Variants in PRDM5 observed in about 807,000 individuals in gnomAD.
The protein encoded by PRDM5 is PR/SET domain 5.
In PRDM5, 56 loss-of-function variants were observed where a neutral mutation model predicts 81.2. The ratio of observed to expected loss-of-function variants is 0.69; its 90% CI spans 0.56 to 0.86. The LOEUF is 0.86. Ranked by LOEUF, PRDM5 falls within the 40% of genes least tolerant of loss-of-function variation. The pLI is 0.00. For missense variants in PRDM5, 697 were observed against 770.1 expected, an observed-to-expected ratio of 0.91 and a Z score of 1.12; for synonymous variants, 267 against 256.4, an observed-to-expected ratio of 1.04 and a Z score of -0.39.
intron 6 of PRDM5, 65 bp from the exon 7 acceptor site, chr4:120,816,639 A>G (rs1173798201): frequency 6.2e-7 from 1 of 1,604,824 alleles, no homozygotes; most frequent in Admixed American, 1.7e-5. Context: ...AAACTCAAAC[A>G]TCAGCAAGAT....
At chr4:120,821,469 T>A in intron 3 of PRDM5, 124 bp from the exon 4 acceptor site, 1 of 929,622 alleles carries the variant, frequency 1.1e-6, no homozygotes, top group Non-Finnish European at 1.6e-6. Flanking sequence ...TTTTTATTTC[T>A]AGTTGATCTG....
intron 2 of PRDM5, among the ~76,000 whole-genome samples, chr4:120,887,121 T>G (rs912414740): frequency 6.6e-6 from 1 of 152,090 alleles, no homozygotes. Flanking sequence ...AATTTTTGTA[T>G]TTTTAGTGGA....
At position 120,853,418 on chromosome 4, in the gene PRDM5, T is replaced by C. The variant is rs1420670623; in HGVS notation, c.300A>G (p.Gln100=). Residue 100 remains glutamine (Q), a splice_region_variant and synonymous_variant, in exon 3 of 16, where the codon CAA becomes CAG. Coordinates refer to ENST00000264808, the MANE Select transcript of PRDM5 (RefSeq NM_018699.4). ...SQEQKNLAAI[Q]EGENIFYLAV... The stretch of plus-strand genomic sequence containing the variant: ...ACAAATGAGAAGCAAATAAGCTCAC[T>C]TGAATGGCAGCCAAGTTCTTCTGCT... The C allele has an allele frequency of 6.8e-6, 11 of 1,613,612 alleles. No homozygotes were observed. The East Asian group carries it at 2.2e-4, about 33-fold the overall frequency.
chr4:120,804,916 GT>G (rs1330117398), intron 8 of PRDM5, among the ~76,000 whole-genome samples: 2 of 152,084 alleles, frequency 1.3e-5, no homozygotes, highest in African/African-American at 4.8e-5. Context: ...CCAGGAGCTG[GT>G]TTTTTGAGAA....
intron 13 of PRDM5, among the ~76,000 whole-genome samples, chr4:120,758,496 C>T (rs958711964): frequency 6.6e-6 from 1 of 152,056 alleles, no homozygotes; most frequent in Non-Finnish European, 1.5e-5. Context: ...AAAAAGATGG[C>T]CTTGTGAAGA....
chr4:120,788,794 G>A (rs2149258640), intron 10 of PRDM5, among the ~76,000 whole-genome samples: 1 of 152,312 alleles, frequency 6.6e-6, no homozygotes, highest in African/African-American at 2.4e-5. Flanking sequence ...ATAGCCAGGT[G>A]AATAAATACT....
chr4:120,863,659 T>C (rs1760888444), intron 2 of PRDM5, among the ~76,000 whole-genome samples: 1 of 152,156 alleles, frequency 6.6e-6, no homozygotes, highest in Non-Finnish European at 1.5e-5. Flanking sequence ...ATAAAGACCA[T>C]TCCCTTTTGT....
intron 2 of PRDM5, among the ~76,000 whole-genome samples, chr4:120,880,634 C>T (rs535912238): frequency 6.6e-6 from 1 of 152,032 alleles, no homozygotes; most frequent in East Asian, 1.9e-4. Flanking sequence ...ACTACATTTT[C>T]GTCATTAATA....
chr4:120,817,013 T>A, intron 5 of PRDM5, 89 bp from the exon 6 acceptor site: 1 of 1,091,434 alleles, frequency 9.2e-7, no homozygotes, highest in Non-Finnish European at 1.4e-6. Context: ...CTGAATAAAG[T>A]CATGTTCGTG....
At chr4:120,699,741 C>T (rs1735081849) in intron 15 of PRDM5, among the ~76,000 whole-genome samples, 1 of 145,974 alleles carries the variant, frequency 6.9e-6, no homozygotes, top group Non-Finnish European at 1.6e-5. Flanking sequence ...AGTAGAACTA[C>T]AGACACTGCT....
At chr4:120,768,694 CAGAT>C (rs894050361) in intron 13 of PRDM5, among the ~76,000 whole-genome samples, 60 of 152,136 alleles carry the variant, frequency 3.9e-4, no homozygotes, top group African/African-American at 1.3e-3. Flanking sequence ...TCAAACAAAA[CAGAT>C]AGAGCATTTG....
intron 9 of PRDM5, among the ~76,000 whole-genome samples, chr4:120,798,841 C>T (rs1054277835): frequency 2.6e-5 from 4 of 152,038 alleles, no homozygotes; most frequent in African/African-American, 4.8e-5. Context: ...TTCCAATGCT[C>T]GGCAGGAACC....
chr4:120,767,559 A>T (rs1034131965), intron 13 of PRDM5, among the ~76,000 whole-genome samples: 3 of 152,240 alleles, frequency 2.0e-5, no homozygotes, highest in Non-Finnish European at 4.4e-5. Flanking sequence ...ACTCCATAAA[A>T]ATCTCATCAC....
chr4:120,888,770 TTTTAA>T (rs1197514607), intron 2 of PRDM5, among the ~76,000 whole-genome samples: 1 of 152,182 alleles, frequency 6.6e-6, no homozygotes, highest in Non-Finnish European at 1.5e-5. Flanking sequence ...GACATTGTCT[TTTTAA>T]TTTTAGTCAT....
At chr4:120,715,405 A>G (rs2149041870) in intron 14 of PRDM5, among the ~76,000 whole-genome samples, 1 of 152,322 alleles carries the variant, frequency 6.6e-6, no homozygotes, top group Admixed American at 6.5e-5. Context: ...ATGTTTAATG[A>G]GTCTTCCCCA....
intron 14 of PRDM5, among the ~76,000 whole-genome samples, chr4:120,712,978 G>A (rs1737225631): frequency 6.6e-6 from 1 of 152,104 alleles, no homozygotes; most frequent in Non-Finnish European, 1.5e-5. Flanking sequence ...CTAGATGTGG[G>A]ACTGAATCTT....
intron 14 of PRDM5, among the ~76,000 whole-genome samples, chr4:120,721,939 C>T (rs1047742175): frequency 3.9e-5 from 6 of 152,142 alleles, no homozygotes; most frequent in Admixed American, 1.3e-4. Context: ...GGTGGGCACG[C>T]GGGTGCCCAG....
chr4:120,773,510 A>G (rs974998865), intron 13 of PRDM5, among the ~76,000 whole-genome samples: 1 of 152,220 alleles, frequency 6.6e-6, no homozygotes, highest in African/African-American at 2.4e-5. Context: ...ATATTTTCCA[A>G]GTTACCTGTA....
In PRDM5 at chr4:120,839,939, C is replaced by G. The variant is rs577159353; in HGVS notation, c.300+13479G>C. 6.8e-4 allele frequency among the ~76,000 whole-genome samples: 103 copies of G among 152,340 alleles called. 1 individual carries two copies. The highest frequency in any genetic ancestry group is 2.4e-3 in the African/African-American group (100 of 41,586). On this transcript the variant is annotated intron_variant, in intron 3 of 15. Transcript: ENST00000264808. The stretch of plus-strand genomic sequence containing the variant: ...TCAGCACTGCCCCAGGTGTATGCAC[C>G]CCCAGCCAGGCTGTGACAGCAACCG...
Sources: allele counts gnomAD v4.1 joint callset (sites outside exome capture counted in the v4.1 genomes callset), GRCh38; gene constraint gnomAD v4.1.1; transcripts MANE v1.5; gene names NCBI Gene and HGNC (gene_info 2026-07-23, HGNC 2026-07-21).